The following AGBL4 variants were observed in gnomAD, a reference collection of about 807,000 sequenced individuals.
AGBL4 encodes the protein AGBL carboxypeptidase 4.
A neutral mutation model predicts 66.4 loss-of-function variants in AGBL4; 58 were observed. That is an observed-to-expected ratio of 0.87 (90% CI 0.71 to 1.09). The LOEUF (loss-of-function observed/expected upper bound fraction) is 1.09. Ranked by LOEUF, AGBL4 falls within the 50% of genes least tolerant of loss-of-function variation. The pLI is 0.00. For synonymous variants in AGBL4, 234 were observed against 222.9 expected (o/e 1.05, Z -0.44); for missense variants, 579 against 631.0 (o/e 0.92, Z 0.88).
At chr1:49,740,087 T>TA (rs1650299819) in intron 2 of AGBL4, among the ~76,000 whole-genome samples, 1 of 152,196 alleles carries the variant, frequency 6.6e-6, no homozygotes, top group Non-Finnish European at 1.5e-5. Context: ...ATGCTCCAAT[T>TA]AAAAGACACA....
At position 50,005,787 on chromosome 1, in the gene AGBL4, T is replaced by A. The variant is rs549535218; in HGVS notation, c.34+17976A>T. 2.9e-4 allele frequency among the ~76,000 whole-genome samples: 44 copies of A among 152,264 alleles called. 2 individuals are homozygous for A. The South Asian group carries it at 8.7e-3, about 30-fold the overall frequency. ...AGAAGGAATTCAGAATCCTATCAGATAAATTTAACAAACAGATTAAAATAA... is the reference window on the plus strand; with the variant it reads ...AGAAGGAATTCAGAATCCTATCAGAAAAATTTAACAAACAGATTAAAATAA... On this transcript the variant is annotated intron_variant, in intron 1 of 13. Transcript: ENST00000371839.
intron 4 of AGBL4, among the ~76,000 whole-genome samples, chr1:49,111,888 A>G (rs1342902625): frequency 6.6e-6 from 1 of 152,198 alleles, no homozygotes. Context: ...ATTTGATTAT[A>G]CTGTAAGCTT....
intron 3 of AGBL4, among the ~76,000 whole-genome samples, chr1:49,357,149 A>G (rs557961224): frequency 1.5e-4 from 23 of 152,320 alleles, no homozygotes; most frequent in Non-Finnish European, 3.1e-4. Flanking sequence ...CTGGGCCAAC[A>G]AAGAAGACTG....
intron 3 of AGBL4, among the ~76,000 whole-genome samples, chr1:49,456,284 C>G (rs1051457947): frequency 3.3e-5 from 5 of 151,700 alleles, no homozygotes; most frequent in Non-Finnish European, 7.4e-5. Flanking sequence ...AGAATTTAAA[C>G]AGAGCCTTGT....
intron 3 of AGBL4, among the ~76,000 whole-genome samples, chr1:49,483,821 A>G (rs1240883768): frequency 1.3e-5 from 2 of 152,046 alleles, no homozygotes; most frequent in East Asian, 3.9e-4. Flanking sequence ...GACAACCCAT[A>G]GAATGGCAGA....
Position 48,672,602 on chromosome 1 carries a change from T to C in AGBL4, c.635-9361A>G, listed in dbSNP as rs115276133. ...AGTGGAGGTGTTCAGAAAAGATCTG[T>C]TCCTTAACTTGCCATGCAGTTCCAG... On this transcript the variant is annotated intron_variant, in intron 6 of 13. Transcript: ENST00000371839. Among the ~76,000 whole-genome samples, 1,283 of 152,324 alleles carry C rather than the reference T, an allele frequency of 8.4e-3. 24 individuals carry two copies. The highest frequency in any genetic ancestry group is 0.03 in the African/African-American group (1,237 of 41,572).
At chr1:49,826,916 G>A (rs1299656371) in intron 2 of AGBL4, among the ~76,000 whole-genome samples, 1 of 152,168 alleles carries the variant, frequency 6.6e-6, no homozygotes, top group Non-Finnish European at 1.5e-5. Flanking sequence ...ATATACAGCT[G>A]CAGATATCAT....
At chr1:49,786,215 T>C (rs574511320) in intron 2 of AGBL4, among the ~76,000 whole-genome samples, 1 of 152,248 alleles carries the variant, frequency 6.6e-6, no homozygotes, top group Admixed American at 6.5e-5. Context: ...TTTCTACAAA[T>C]ACTCATATTT....
intron 5 of AGBL4, among the ~76,000 whole-genome samples, chr1:48,898,548 A>G (rs1651761793): frequency 6.6e-6 from 1 of 152,174 alleles, no homozygotes; most frequent in African/African-American, 2.4e-5. Flanking sequence ...CACACCATTT[A>G]TTGAAAAGAC....
At chr1:49,029,650 C>T (rs1377140394) in intron 5 of AGBL4, among the ~76,000 whole-genome samples, 1 of 152,162 alleles carries the variant, frequency 6.6e-6, no homozygotes, top group Non-Finnish European at 1.5e-5. Flanking sequence ...AAAATCTCAT[C>T]TGGCTTTTTT....
chr1:48,800,874 TC>T (rs1372148644), intron 6 of AGBL4, among the ~76,000 whole-genome samples: 6 of 152,026 alleles, frequency 3.9e-5, no homozygotes, highest in Admixed American at 2.0e-4. Flanking sequence ...GCCATAAAGC[TC>T]CCAAGAGTTT....
At chr1:49,523,445 T>C (rs922304892) in intron 3 of AGBL4, among the ~76,000 whole-genome samples, 5 of 152,038 alleles carry the variant, frequency 3.3e-5, no homozygotes, top group African/African-American at 1.2e-4. Context: ...GTTAAGAATA[T>C]ATATAGTGCT....
intron 3 of AGBL4, among the ~76,000 whole-genome samples, chr1:49,624,264 T>A (rs1336936414): frequency 6.6e-6 from 1 of 152,106 alleles, no homozygotes. Context: ...TTAAAACCCT[T>A]CAAAGCATTT....
intron 5 of AGBL4, among the ~76,000 whole-genome samples, chr1:49,043,914 TCA>T (rs1644010762): frequency 1.3e-5 from 2 of 152,192 alleles, no homozygotes; most frequent in South Asian, 4.1e-4. Flanking sequence ...TATGTGAAAC[TCA>T]CAGTCACTAG....
At position 49,861,785 on chromosome 1, in the gene AGBL4, T is replaced by C. The variant is rs372333295; in HGVS notation, c.35-10267A>G. 3.3e-4 allele frequency among the ~76,000 whole-genome samples: 50 copies of C among 152,312 alleles called. 1 individual carries two copies. In the South Asian group the frequency reaches 9.5e-3, roughly 29 times the overall value. ...TATACTCAGATCTTCTCCAAGACGA[T>C]CAAGGTGGTACATCTCTACAACTCT... On this transcript the variant is annotated intron_variant, in intron 1 of 13. Transcript: ENST00000371839.
chr1:49,119,477 C>T (rs1006294030), intron 4 of AGBL4, among the ~76,000 whole-genome samples: 3 of 151,972 alleles, frequency 2.0e-5, no homozygotes, highest in South Asian at 4.1e-4. Flanking sequence ...TTCATGAGTA[C>T]GTTGTTCAGT....
intron 3 of AGBL4, among the ~76,000 whole-genome samples, chr1:49,414,410 T>A (rs1354299100): frequency 6.6e-6 from 1 of 152,178 alleles, no homozygotes; most frequent in Non-Finnish European, 1.5e-5. Context: ...GACCATACTC[T>A]AGTTTGTAAT....
At chr1:48,949,152 A>G (rs1437093911) in intron 5 of AGBL4, among the ~76,000 whole-genome samples, 2 of 152,198 alleles carry the variant, frequency 1.3e-5, no homozygotes, top group African/African-American at 4.8e-5. Flanking sequence ...AGAAGGTTTT[A>G]TCAGGGGGAG....
At chr1:48,987,078 T>TCCATAA (rs907064548) in intron 5 of AGBL4, among the ~76,000 whole-genome samples, 10 of 151,456 alleles carry the variant, frequency 6.6e-5, no homozygotes, top group African/African-American at 1.5e-4. Flanking sequence ...CAAAGAATAC[T>TCCATAA]CCATAACCAT....
Sources: gnomAD v4.1 joint callset for allele counts (sites outside exome capture counted in the v4.1 genomes callset) on GRCh38, gnomAD v4.1.1 for gene constraint, MANE v1.5 for transcripts, NCBI Gene and HGNC (gene_info 2026-07-23, HGNC 2026-07-21) for gene names.